Variants in FHAD1 observed in about 807,000 individuals in gnomAD.
FHAD1 encodes forkhead-associated domain-containing protein 1.
FHAD1 carries 146 observed loss-of-function variants against 191.3 expected under a neutral mutation model. That is an observed-to-expected ratio of 0.76 (90% CI 0.67 to 0.88). FHAD1 has a LOEUF of 0.88. Ranked by LOEUF, FHAD1 falls within the 40% of genes least tolerant of loss-of-function variation. The pLI is 0.00. For synonymous variants in FHAD1, 616 were observed against 672.3 expected (o/e 0.92, Z 1.29); for missense variants, 1,635 against 1,785.8 (o/e 0.92, Z 1.52).
In FHAD1 at chr1:15,391,206, G is replaced by C. The variant is rs1392625392; in HGVS notation, c.4270-4G>C. The C allele has an allele frequency of 6.2e-6, 8 of 1,283,244 alleles. No individual in the cohort carries two copies. Among genetic ancestry groups the C allele is most frequent in the Middle Eastern group, 4.3e-4 (2 of 4,704 alleles). 79.5% of individuals were successfully genotyped at this position (1,283,244 alleles called of 1,614,324 possible). A position where few individuals can be genotyped will look rare whatever the true frequency, so the allele number is the denominator to read the frequency against. ...ATTTTGTTCTTATTCTTTCTGTATT[G>C]AAGAGACGAGTATTTGTAGAGATGG... is the stretch of plus-strand genomic sequence containing the variant. On this transcript the variant is annotated splice_region_variant and splice_polypyrimidine_tract_variant and intron_variant, in intron 32 of 33. Transcript: ENST00000688493.
intron 23 of FHAD1, among the ~76,000 whole-genome samples, chr1:15,363,373 A>G (rs1323333878): frequency 6.6e-6 from 1 of 152,210 alleles, no homozygotes; most frequent in Non-Finnish European, 1.5e-5. Context: ...CAATACTGCC[A>G]CATTGGGGGT....
chr1:15,308,297 G>A lies in FHAD1; in HGVS notation c.916-316G>A, dbSNP rs970670982. ...GTACTGGGCGACCTGGAACCAACAGGTGATCTGTTTATGGCTGAGAGTCCA... is the reference window on the plus strand; with the variant it reads ...GTACTGGGCGACCTGGAACCAACAGATGATCTGTTTATGGCTGAGAGTCCA... On this transcript the variant is annotated intron_variant, in intron 6 of 33. Transcript: ENST00000688493. 3.3e-5 allele frequency among the ~76,000 whole-genome samples: 5 copies of A among 152,212 alleles called. No individual in the cohort carries two copies. The East Asian group carries it at 5.8e-4, about 18-fold the overall frequency.
chr1:15,386,857 T>TG lies in FHAD1; in HGVS notation c.4189-1194_4189-1193insG, dbSNP rs113549870. Among the ~76,000 whole-genome samples the TG allele has an allele frequency of 6.9e-4, 105 of 151,812 alleles. 1 individual carries two copies. Among genetic ancestry groups the TG allele is most frequent in the East Asian group, 2.1e-3 (11 of 5,180 alleles). On this transcript the variant is annotated intron_variant, in intron 31 of 33. Transcript: ENST00000688493. ...TTTTTTTTCCTTTCTTTCTTTTTTT[T>TG]TTTGTTTGTTTGTTTATTTGTTTGA...
Position 15,381,733 on chromosome 1 carries a change from T to C in FHAD1, c.4022+282T>C, listed in dbSNP as rs566855211. Among the ~76,000 whole-genome samples the C allele has an allele frequency of 7.0e-6, 1 of 142,520 alleles. No individual in the cohort carries two copies. Among genetic ancestry groups the C allele is most frequent in the African/African-American group, 2.6e-5 (1 of 38,650 alleles). The allele number at this position is 142,520 out of a possible 152,430, so 93.5% of individuals were successfully genotyped here. A position where few individuals can be genotyped will look rare whatever the true frequency, so the allele number is the denominator to read the frequency against. ...CGACCCTTGACTTATGGTTTCCCAG[T>C]TGTGTAGCATTGACAGCTCCGTCAT... On this transcript the variant is annotated intron_variant, in intron 30 of 33. Coordinates refer to ENST00000688493, the MANE Select transcript of FHAD1 (RefSeq NM_001391957.1). This position sits in a 1 kb window ranked among gnomAD's most constrained non-coding sequence, Gnocchi z 4.6.
chr1:15,252,868 A>C (rs1389118888), intron 2 of FHAD1, among the ~76,000 whole-genome samples: 1 of 152,326 alleles, frequency 6.6e-6, no homozygotes, highest in East Asian at 1.9e-4. Context: ...AATAATAATA[A>C]AAACAGTGGA....
At position 15,380,698 on chromosome 1, in the gene FHAD1, C is replaced by G; in HGVS notation, c.3706-3C>G. 1.3e-6 allele frequency: 2 copies of G among 1,550,690 alleles called. No homozygotes were observed. Among genetic ancestry groups the G allele is most frequent in the Non-Finnish European group, 1.7e-6 (2 of 1,146,132 alleles). On this transcript the variant is annotated splice_region_variant and splice_polypyrimidine_tract_variant and intron_variant, in intron 28 of 33. Transcript: ENST00000688493. ...GAGGCCTTTCATTTCTTTCTGATTT[C>G]AGCCTCAGAATGGCCTTTGCAACGC...
At chr1:15,346,210 T>G (rs1479289675) in intron 18 of FHAD1, among the ~76,000 whole-genome samples, 3 of 152,148 alleles carry the variant, frequency 2.0e-5, no homozygotes, top group African/African-American at 7.2e-5. Flanking sequence ...CTGTGGCCTG[T>G]GCTGCTCTCC....
chr1:15,341,661 G>C (rs1183121662), intron 15 of FHAD1, 75 bp from the exon 16 acceptor site: 29 of 1,293,494 alleles, frequency 2.2e-5, no homozygotes, highest in Non-Finnish European at 3.0e-5. Context: ...GTAAACAATT[G>C]GTAAACAAAT....
At chr1:15,372,060 C>G (rs12562412) in intron 26 of FHAD1, among the ~76,000 whole-genome samples, 22,578 of 152,148 alleles carry the variant, frequency 0.15, 1,810 homozygotes, top group East Asian at 0.19. Flanking sequence ...AAGCCAAGAT[C>G]AAGTAAAATG....
chr1:15,239,309 G>A (rs950878882), intron 1 of FHAD1, among the ~76,000 whole-genome samples: 9 of 152,124 alleles, frequency 5.9e-5, no homozygotes, highest in African/African-American at 1.7e-4. Context: ...AAGGATGGCC[G>A]GGTGCACTGG....
At chr1:15,308,985 G>A (rs942098087) in intron 7 of FHAD1, among the ~76,000 whole-genome samples, 1 of 152,232 alleles carries the variant, frequency 6.6e-6, no homozygotes, top group Admixed American at 6.5e-5. Context: ...TTGAGCAAAT[G>A]TTATCTGTTA....
At chr1:15,353,072 C>A in intron 20 of FHAD1, 88 bp downstream of exon 20, 2 of 944,444 alleles carry the variant, frequency 2.1e-6, no homozygotes, top group Non-Finnish European at 3.3e-6. Context: ...CAAATCCTAC[C>A]TCTCCCCATC....
At chr1:15,385,223 T>C (rs1013714854) in intron 31 of FHAD1, among the ~76,000 whole-genome samples, 3 of 151,846 alleles carry the variant, frequency 2.0e-5, no homozygotes, top group African/African-American at 4.8e-5. Flanking sequence ...GGAACCTGTA[T>C]ACATCTGTTT....
intron 18 of FHAD1, among the ~76,000 whole-genome samples, chr1:15,348,610 A>G (rs1308525680): frequency 6.6e-6 from 1 of 152,094 alleles, no homozygotes; most frequent in Admixed American, 6.5e-5. Context: ...TGTTGGAGAG[A>G]CTTATTTCAA....
chr1:15,274,117 C>T (rs1040999735), intron 3 of FHAD1, among the ~76,000 whole-genome samples: 3 of 152,218 alleles, frequency 2.0e-5, no homozygotes, highest in Non-Finnish European at 2.9e-5. Flanking sequence ...GTATGAGAGA[C>T]CACATTTTGC....
At chr1:15,271,923 A>G (rs1656203364) in intron 2 of FHAD1, among the ~76,000 whole-genome samples, 1 of 152,204 alleles carries the variant, frequency 6.6e-6, no homozygotes, top group African/African-American at 2.4e-5. Context: ...AAAATGGCCA[A>G]TTCCTTGACG....
chr1:15,361,717 T>G (rs1003686347), intron 22 of FHAD1, among the ~76,000 whole-genome samples: 1 of 151,998 alleles, frequency 6.6e-6, no homozygotes, highest in Non-Finnish European at 1.5e-5. Context: ...TGTCTGAGAT[T>G]GAGCTGGGGG....
rs187487532 is a variant in FHAD1, at chr1:15,311,703, G to A, written c.1040-1354G>A. On this transcript the variant is annotated intron_variant, in intron 7 of 33. Coordinates refer to ENST00000688493, the MANE Select transcript of FHAD1 (RefSeq NM_001391957.1). This position sits in a 1 kb window ranked among gnomAD's most constrained non-coding sequence, Gnocchi z 4.1. ...TGAATGTTTTTCTAAGAAAAGGACC[G>A]TATGAGATAACCCAATACCACTGCA... Among the ~76,000 whole-genome samples the A allele has an allele frequency of 7.9e-5, 12 of 152,300 alleles. No individual in the cohort carries two copies. The highest frequency in any genetic ancestry group is 6.2e-4 in the South Asian group (3 of 4,822).
At chr1:15,262,384 G>A (rs150287361) in intron 2 of FHAD1, among the ~76,000 whole-genome samples, 4 of 152,256 alleles carry the variant, frequency 2.6e-5, no homozygotes, top group African/African-American at 7.2e-5. Flanking sequence ...TCTGTTTACA[G>A]ATGAGGAAAC....
Sources: allele counts gnomAD v4.1 joint callset (sites outside exome capture counted in the v4.1 genomes callset), GRCh38; gene constraint gnomAD v4.1.1; non-coding constraint Gnocchi (gnomAD v3.1); transcripts MANE v1.5; gene names NCBI Gene and HGNC (gene_info 2026-07-23, HGNC 2026-07-21).